Variants in CEP112 observed in about 807,000 individuals in gnomAD.
CEP112 encodes centrosomal protein 112.
In CEP112, 127 loss-of-function variants were observed where a neutral mutation model predicts 153.0. That is an observed-to-expected ratio of 0.83 (90% CI 0.72 to 0.96). The LOEUF (loss-of-function observed/expected upper bound fraction) is 0.96. CEP112 is among the 40% of genes least tolerant of loss of function. CEP112 has a pLI of 0.00. For missense variants in CEP112, 1,089 were observed against 1,101.2 expected, an observed-to-expected ratio of 0.99 and a Z score of 0.16; for synonymous variants, 358 against 374.4, an observed-to-expected ratio of 0.96 and a Z score of 0.51.
At chr17:65,813,525 G>A (rs890583981) in intron 21 of CEP112, among the ~76,000 whole-genome samples, 2 of 152,190 alleles carry the variant, frequency 1.3e-5, no homozygotes, top group Non-Finnish European at 2.9e-5. Flanking sequence ...AATAGCATGA[G>A]AAGCCAACAT....
chr17:66,043,541 G>C (rs1048015289), intron 12 of CEP112, among the ~76,000 whole-genome samples: 1 of 152,126 alleles, frequency 6.6e-6, no homozygotes. Flanking sequence ...TGGTACAAAA[G>C]ATGTTAAGAA....
chr17:66,162,520 G>A (rs2071756429), intron 4 of CEP112, among the ~76,000 whole-genome samples: 1 of 152,156 alleles, frequency 6.6e-6, no homozygotes, highest in Admixed American at 6.5e-5. Flanking sequence ...CACTTGTAAT[G>A]TCAAAAACCA....
chr17:65,837,013 C>T (rs767070919), intron 21 of CEP112, among the ~76,000 whole-genome samples: 7 of 152,186 alleles, frequency 4.6e-5, no homozygotes, highest in Non-Finnish European at 8.8e-5. Context: ...CCGTGTTGGC[C>T]GGGCTGGTCT....
intron 20 of CEP112, among the ~76,000 whole-genome samples, chr17:65,859,880 G>T (rs985106230): frequency 8.6e-5 from 13 of 150,304 alleles, no homozygotes; most frequent in Middle Eastern, 3.4e-3. Flanking sequence ...AATTAGCTGG[G>T]TGTGGTGGCG....
intron 19 of CEP112, among the ~76,000 whole-genome samples, chr17:65,916,289 G>GTGTGTGTGTATA (rs777844271): frequency 1.4e-5 from 2 of 147,370 alleles, no homozygotes; most frequent in Non-Finnish European, 3.0e-5. Context: ...GTGTGTGTGT[G>GTGTGTGTGTATA]TGTATGTGTG....
chr17:65,937,938 C>T (rs1452144203), intron 18 of CEP112, among the ~76,000 whole-genome samples: 3 of 124,394 alleles, frequency 2.4e-5, no homozygotes, highest in African/African-American at 2.8e-5. Context: ...TCATTGAGAA[C>T]GGGCCATGAT....
intron 21 of CEP112, among the ~76,000 whole-genome samples, chr17:65,752,943 A>T (rs1015674119): frequency 2.0e-5 from 3 of 152,206 alleles, no homozygotes; most frequent in African/African-American, 7.2e-5. Context: ...GATTCAATTT[A>T]TCTGGGCTAC....
intron 12 of CEP112, among the ~76,000 whole-genome samples, chr17:66,030,663 T>C (rs762734518): frequency 2.0e-5 from 3 of 152,168 alleles, no homozygotes; most frequent in Non-Finnish European, 2.9e-5. Flanking sequence ...ATTTCTCTAT[T>C]ATTTAATATT....
At chr17:66,129,879 A>C in intron 5 of CEP112, 56 bp from the exon 6 acceptor site, 1 of 1,146,342 alleles carries the variant, frequency 8.7e-7, no homozygotes, top group Non-Finnish European at 1.3e-6. Flanking sequence ...GAAGAAATAA[A>C]AGGAAAAGAT....
chr17:66,165,813 T>C (rs2071930674), intron 4 of CEP112, among the ~76,000 whole-genome samples: 2 of 152,152 alleles, frequency 1.3e-5, no homozygotes, highest in Non-Finnish European at 2.9e-5. Context: ...ATCCCAGCTT[T>C]TTGCCACAAT....
intron 18 of CEP112, among the ~76,000 whole-genome samples, chr17:65,954,948 T>C (rs1056918995): frequency 6.6e-6 from 1 of 152,214 alleles, no homozygotes; most frequent in Non-Finnish European, 1.5e-5. Flanking sequence ...TTTGAGGGAA[T>C]AATTTAGGAA....
intron 24 of CEP112, among the ~76,000 whole-genome samples, chr17:65,642,906 T>C (rs1048356392): frequency 3.9e-5 from 6 of 152,354 alleles, no homozygotes; most frequent in African/African-American, 1.4e-4. Flanking sequence ...TATTTCCTTT[T>C]TAAACAAATT....
chr17:66,157,883 T>C (rs865802765), intron 4 of CEP112, among the ~76,000 whole-genome samples: 26 of 152,272 alleles, frequency 1.7e-4, no homozygotes, highest in Middle Eastern at 6.8e-3. Context: ...TCCAGGTTCA[T>C]AAAGCAAGTT....
rs1191986404 is a variant in CEP112, at chr17:65,706,950, C to T, written c.2608-17732G>A. ...TCTATCACATTATCCAAGGCAAAAA[C>T]TCAGGAGATCTCTTTGACAACTTGC... On this transcript the variant is annotated intron_variant, in intron 23 of 26. Coordinates refer to ENST00000535342, the MANE Select transcript of CEP112 (RefSeq NM_001199165.4). Among the ~76,000 whole-genome samples the T allele has an allele frequency of 2.0e-5, 3 of 152,214 alleles. No homozygotes were observed. The East Asian group carries it at 5.8e-4, about 29-fold the overall frequency.
At chr17:65,826,213 A>ATGT (rs746784523) in intron 21 of CEP112, 7 of 1,614,148 alleles carry the variant, frequency 4.3e-6, no homozygotes, top group Non-Finnish European at 5.9e-6. Context: ...TCTTGGGGAC[A>ATGT]TTACCATTCT....
chr17:65,934,602 GATAA>G (rs1393874840), intron 18 of CEP112, among the ~76,000 whole-genome samples: 2 of 152,108 alleles, frequency 1.3e-5, no homozygotes, highest in African/African-American at 4.8e-5. Context: ...AAAGTAACTG[GATAA>G]ATAAACAAAA....
chr17:65,903,545 C>T (rs902102182), intron 19 of CEP112, among the ~76,000 whole-genome samples: 2 of 152,070 alleles, frequency 1.3e-5, no homozygotes, highest in Non-Finnish European at 2.9e-5. Flanking sequence ...TAAAGAGTAG[C>T]GGGTACCATT....
intron 24 of CEP112, among the ~76,000 whole-genome samples, chr17:65,647,878 A>G: frequency 6.6e-6 from 1 of 152,118 alleles, no homozygotes. Context: ...CTATTCATGA[A>G]CTTGGAACTG....
rs1273876721 is a variant in CEP112 at position 65,970,456 on chromosome 17, G to A, written c.1737-8858C>T. On this transcript the variant is annotated intron_variant, in intron 17 of 26. Coordinates refer to ENST00000535342, the MANE Select transcript of CEP112 (RefSeq NM_001199165.4). Reference sequence around the variant, plus strand: ...CACACATCATGCATGTATATTACATGCATGCACACATGCATGTATATTACA... The same window carrying A: ...CACACATCATGCATGTATATTACATACATGCACACATGCATGTATATTACA... Among the ~76,000 whole-genome samples the A allele has an allele frequency of 1.6e-4, 15 of 93,364 alleles. 1 individual carries two copies. The highest frequency in any genetic ancestry group is 4.6e-4 in the African/African-American group (13 of 28,170). 61.3% of individuals were successfully genotyped at this position (93,364 alleles called of 152,430 possible).
Sources: allele counts gnomAD v4.1 joint callset (sites outside exome capture counted in the v4.1 genomes callset), GRCh38; gene constraint gnomAD v4.1.1; transcripts MANE v1.5; gene names NCBI Gene and HGNC (gene_info 2026-07-23, HGNC 2026-07-21).